SLFN5: variants seen among roughly 807,000 people sequenced by gnomAD.
SLFN5 encodes the protein schlafen family member 5.
A neutral mutation model predicts 48.5 loss-of-function variants in SLFN5; 34 were observed. The ratio of observed to expected loss-of-function variants is 0.70; its 90% CI spans 0.53 to 0.93. The LOEUF (loss-of-function observed/expected upper bound fraction) is 0.93. Ranked by LOEUF, SLFN5 falls within the 40% of genes least tolerant of loss-of-function variation. The pLI, the probability that SLFN5 is intolerant of heterozygous loss-of-function variation, is 0.00. For missense variants in SLFN5, 1,006 were observed against 1,071.3 expected (o/e 0.94, Z 0.85); for synonymous variants, 387 against 396.2 (o/e 0.98, Z 0.28).
At chr17:35,251,702 A>C (rs1296755246) in intron 1 of SLFN5, among the ~76,000 whole-genome samples, 1 of 83,162 alleles carries the variant, frequency 1.2e-5, no homozygotes, top group African/African-American at 4.7e-5. Flanking sequence ...TGGCGCCCGG[A>C]CTTTTTTTTT....
Position 35,266,882 on chromosome 17 carries a change from T to G in SLFN5, c.*994T>G, listed in dbSNP as rs1253865747. ...TCATTTCCTGTGGGTCTCTAGAAAC[T>G]CTCTCAATATTTAAAGCCAAACAAA... On this transcript the variant is annotated 3_prime_UTR_variant, in exon 5 of 5. Transcript: ENST00000299977. The G allele has an allele frequency of 6.6e-6, 1 of 152,198 alleles. No individual in the cohort carries two copies. The highest frequency in any genetic ancestry group is 1.5e-5 in the Non-Finnish European group (1 of 68,046). The allele number at this position is 152,198 out of a possible 1,614,324, so 9.4% of individuals were successfully genotyped here.
In SLFN5 at chr17:35,272,848, G is replaced by A. The variant is rs950897629; in HGVS notation, c.*6960G>A. 2 of 152,202 alleles carry A rather than the reference G, an allele frequency of 1.3e-5. No homozygotes were observed. The highest frequency in any genetic ancestry group is 2.9e-5 in the Non-Finnish European group (2 of 68,022). The allele number at this position is 152,202 out of a possible 1,614,324, so 9.4% of individuals were successfully genotyped here. A position where few individuals can be genotyped will look rare whatever the true frequency, so the allele number is the denominator to read the frequency against. ...TTGGTAACAAACTTTAAGGGGGAAA[G>A]CACTTCCATGCATTGCTGTAAATTG... On this transcript the variant is annotated 3_prime_UTR_variant, in exon 5 of 5. Transcript: ENST00000299977.
At position 35,246,559 on chromosome 17, in the gene SLFN5, T is replaced by G. The variant is rs1164207936; in HGVS notation, c.-41+3416T>G. The stretch of plus-strand genomic sequence containing the variant: ...AGTCCAATATATCATTTAAAAAAAT[T>G]TATTGTGCATCTAGGCCAGGTGCAG... On this transcript the variant is annotated intron_variant, in intron 1 of 4. Transcript: ENST00000299977. Among the ~76,000 whole-genome samples the G allele has an allele frequency of 3.3e-5, 5 of 152,226 alleles. 1 individual carries two copies. The highest frequency in any genetic ancestry group is 4.1e-4 in the South Asian group (2 of 4,832).
Position 35,259,667 on chromosome 17 carries a change from G to A in SLFN5, c.977G>A (p.Arg326Lys), listed in dbSNP as rs555352286. 1.1e-5 allele frequency: 17 copies of A among 1,600,940 alleles called. No individual in the cohort carries two copies. The Admixed American group carries it at 2.5e-4, about 24-fold the overall frequency. Residue 326 changes from arginine (R) to lysine (K), a missense_variant, in exon 2 of 5, where the codon AGA (arginine) becomes AAA (lysine). Arg to Lys is a conservative substitution (Grantham distance 26). Coordinates refer to ENST00000299977, the MANE Select transcript of SLFN5 (RefSeq NM_144975.4). The part of the protein sequence containing the change: ...KDNRVRQLPT[R>K]EWTAWMMEAD... ...AACCGTGTGAGACAATTGCCCACAA[G>A]AGAATGGACTGCTTGGATGATGGAA...
rs1597656806 is a variant in SLFN5 at position 35,266,106 on chromosome 17, G to A, written c.*218G>A. 3.7e-6 allele frequency: 2 copies of A among 534,066 alleles called. No individual in the cohort carries two copies. Among genetic ancestry groups the A allele is most frequent in the East Asian group, 3.1e-5 (1 of 32,480 alleles). 33.1% of individuals were successfully genotyped at this position (534,066 alleles called of 1,614,324 possible). A position where few individuals can be genotyped will look rare whatever the true frequency, so the allele number is the denominator to read the frequency against. On this transcript the variant is annotated 3_prime_UTR_variant, in exon 5 of 5. Coordinates refer to ENST00000299977, the MANE Select transcript of SLFN5 (RefSeq NM_144975.4). Reference sequence around the variant, plus strand: ...GACAAGGAATTTCCCATGGTAAAAAGGGATATCAGTAATTAGAGGACCGTG... The same window carrying A: ...GACAAGGAATTTCCCATGGTAAAAAAGGATATCAGTAATTAGAGGACCGTG...
At position 35,265,777 on chromosome 17, in the gene SLFN5, C is replaced by G; in HGVS notation, c.2565C>G (p.Ile855Met). 1.9e-6 allele frequency: 3 copies of G among 1,614,138 alleles called. No homozygotes were observed. In the African/African-American group the frequency reaches 4.0e-5, roughly 22 times the overall value. Residue 855 changes from isoleucine (I) to methionine (M), a missense_variant, in exon 5 of 5, where the codon ATC becomes ATG. By Grantham distance (10) the Ile-to-Met change is conservative (BLOSUM62 1). Transcript: ENST00000299977. ...GATTTTCAGGCCTGGAAAGAAATAT[C>G]GTGTTTGGAATCAATCCAGGAGTAG... ...VCRFSGLERNIVFGINPGVAP... is the reference protein window; with the variant it reads ...VCRFSGLERNMVFGINPGVAP...
chr17:35,252,558 T>C (rs919438089), intron 1 of SLFN5, among the ~76,000 whole-genome samples: 1 of 152,218 alleles, frequency 6.6e-6, no homozygotes, highest in Non-Finnish European at 1.5e-5. Context: ...TTCCTCTGGA[T>C]GCTTTTAAGA....
intron 2 of SLFN5, among the ~76,000 whole-genome samples, chr17:35,260,545 T>C (rs1904491366): frequency 6.6e-6 from 1 of 151,982 alleles, no homozygotes; most frequent in South Asian, 2.1e-4. Flanking sequence ...GCCAACATGG[T>C]GAAACTCCGT....
At chr17:35,244,718 C>T (rs2092426876) in intron 1 of SLFN5, among the ~76,000 whole-genome samples, 1 of 151,906 alleles carries the variant, frequency 6.6e-6, no homozygotes, top group Admixed American at 6.6e-5. Flanking sequence ...GTGAGGTGGG[C>T]GGATCACTTG....
intron 3 of SLFN5, among the ~76,000 whole-genome samples, chr17:35,261,984 A>AT (rs1202682183): frequency 2.0e-5 from 3 of 151,812 alleles, no homozygotes; most frequent in Non-Finnish European, 4.4e-5. Flanking sequence ...CAGCCCAATC[A>AT]TTTTTTTGAT....
chr17:35,246,165 A>G (rs1027861686), intron 1 of SLFN5, among the ~76,000 whole-genome samples: 2 of 152,114 alleles, frequency 1.3e-5, no homozygotes, highest in African/African-American at 4.8e-5. Flanking sequence ...CAAGTATTTT[A>G]TTCATTTTTA....
chr17:35,254,676 T>C (rs142931866), intron 1 of SLFN5, among the ~76,000 whole-genome samples: 20 of 152,312 alleles, frequency 1.3e-4, no homozygotes, highest in Middle Eastern at 3.4e-3. Flanking sequence ...CCTGCTCAAG[T>C]TTTCAGTGCA....
rs1904707670 is a variant in SLFN5, at chr17:35,266,660, C to T, written c.*772C>T. The T allele has an allele frequency of 6.6e-6, 1 of 152,148 alleles. No homozygotes were observed. The highest frequency in any genetic ancestry group is 6.5e-5 in the Admixed American group (1 of 15,274). 9.4% of individuals were successfully genotyped at this position (152,148 alleles called of 1,614,324 possible). A position where few individuals can be genotyped will look rare whatever the true frequency, so the allele number is the denominator to read the frequency against. On this transcript the variant is annotated 3_prime_UTR_variant, in exon 5 of 5. Transcript: ENST00000299977. ...TGCCACAGTCCCCCAGGGAGGCACA[C>T]TGTGTTTTACTGATTGATTTGAAGA...
intron 1 of SLFN5, among the ~76,000 whole-genome samples, chr17:35,251,968 A>C (rs2142690044): frequency 6.6e-6 from 1 of 152,004 alleles, no homozygotes; most frequent in South Asian, 2.1e-4. Context: ...CCCATGAAAA[A>C]ATCTGGTTGA....
chr17:35,260,194 G>A (rs867790101), intron 2 of SLFN5, among the ~76,000 whole-genome samples: 9 of 151,998 alleles, frequency 5.9e-5, no homozygotes, highest in Middle Eastern at 3.4e-3. Flanking sequence ...CACGGCTTTC[G>A]CTCTGCTTTC....
intron 1 of SLFN5, among the ~76,000 whole-genome samples, chr17:35,254,673 A>G (rs1460758380): frequency 6.6e-6 from 1 of 152,168 alleles, no homozygotes; most frequent in Non-Finnish European, 1.5e-5. Context: ...TTCCCTGCTC[A>G]AGTTTTCAGT....
intron 1 of SLFN5, among the ~76,000 whole-genome samples, chr17:35,247,901 G>A (rs1017498454): frequency 2.0e-4 from 30 of 152,246 alleles, no homozygotes; most frequent in African/African-American, 7.0e-4. Context: ...TCCATCTTGC[G>A]TTTTTGTCCT....
rs983944503 is a variant in SLFN5 at position 35,271,549 on chromosome 17, C to A, written c.*5661C>A. 1 of 151,890 alleles carries A rather than the reference C, an allele frequency of 6.6e-6. No individual in the cohort carries two copies. Among genetic ancestry groups the A allele is most frequent in the Non-Finnish European group, 1.5e-5 (1 of 67,954 alleles). The allele number at this position is 151,890 out of a possible 1,614,324, so 9.4% of individuals were successfully genotyped here. A position where few individuals can be genotyped will look rare whatever the true frequency, so the allele number is the denominator to read the frequency against. Reference sequence around the variant, plus strand: ...CAACAAGAAAATATAAGTTCTGCAACAATAAAACTATACAATGAAACTAAA... The same window carrying A: ...CAACAAGAAAATATAAGTTCTGCAAAAATAAAACTATACAATGAAACTAAA... On this transcript the variant is annotated 3_prime_UTR_variant, in exon 5 of 5. Transcript: ENST00000299977.
rs963250276 is a variant in SLFN5 at position 35,271,644 on chromosome 17, A to C, written c.*5756A>C. On this transcript the variant is annotated 3_prime_UTR_variant, in exon 5 of 5. Transcript: ENST00000299977. The stretch of plus-strand genomic sequence containing the variant: ...TTGGATAAGAAGATTAAAAATTATA[A>C]ATATATCAATTTTCACTGTTAATCT... 1 of 152,236 alleles carries C rather than the reference A, an allele frequency of 6.6e-6. No homozygotes were observed. The highest frequency in any genetic ancestry group is 1.5e-5 in the Non-Finnish European group (1 of 68,044). The allele number at this position is 152,236 out of a possible 1,614,324, so 9.4% of individuals were successfully genotyped here. A position where few individuals can be genotyped will look rare whatever the true frequency, so the allele number is the denominator to read the frequency against.
Sources: gnomAD v4.1 joint callset for allele counts (sites outside exome capture counted in the v4.1 genomes callset) on GRCh38, gnomAD v4.1.1 for gene constraint, MANE v1.5 for transcripts, NCBI Gene and HGNC (gene_info 2026-07-23, HGNC 2026-07-21) for gene names.